The following CACNA1H variants were observed in gnomAD, a reference collection of about 807,000 sequenced individuals.
CACNA1H encodes voltage-dependent T-type calcium channel subunit alpha-1H.
CACNA1H carries 149 observed loss-of-function variants against 192.5 expected under a neutral mutation model. That is an observed-to-expected ratio of 0.77 (90% confidence interval 0.68 to 0.89). The LOEUF (loss-of-function observed/expected upper bound fraction) is 0.89, where lower values mean the gene tolerates loss of function less well. CACNA1H is among the 40% of genes least tolerant of loss of function. The probability of loss-of-function intolerance (pLI) is 0.00; values close to 1 mark genes in which losing one functional copy is unlikely to be tolerated. For synonymous variants in CACNA1H, 2,202 were observed against 1,475.2 expected (o/e 1.49, Z -11.29); for missense variants, 4,257 against 3,423.5 (o/e 1.24, Z -6.08).
Position 1,212,543 on chromosome 16 carries a change from C to G in CACNA1H, c.4777+15C>G. On this transcript the variant is annotated intron_variant, in intron 26 of 34. Coordinates refer to ENST00000348261, the MANE Select transcript of CACNA1H (RefSeq NM_021098.3). ...CCCCAGCCCAGGTACCGGCCCTGTC[C>G]CGCATGCCTCAGGCCCCGCTTCTGC... 4.3e-6 allele frequency: 7 copies of G among 1,609,566 alleles called. No homozygotes were observed. Among genetic ancestry groups the G allele is most frequent in the Non-Finnish European group, 5.1e-6 (6 of 1,178,614 alleles).
At chr16:1,203,603 G>A (rs1027218797) in intron 9 of CACNA1H, among the ~76,000 whole-genome samples, 2 of 152,268 alleles carry the variant, frequency 1.3e-5, no homozygotes, top group Admixed American at 6.5e-5. Context: ...CAGCTCTGGA[G>A]GCCAGTGCTC....
rs1418372954 is a variant in CACNA1H, at chr16:1,220,981, A to G, written c.7049A>G (p.Asp2350Gly). Residue 2350 changes from aspartate to glycine, a missense_variant, in exon 35 of 35, where the codon GAT becomes GGT. Transcript: ENST00000348261. ...SATPAPGGGA[D>G]DPV ...ACCCCTGCCCCAGGGGGTGGTGCAG[A>G]TGACCCCGTGTAGCTCGGGGCTTGG... 6 of 1,592,148 alleles carry G rather than the reference A, an allele frequency of 3.8e-6. No homozygotes were observed. The highest frequency in any genetic ancestry group is 2.2e-5 in the East Asian group (1 of 44,574).
chr16:1,206,301 C>T lies in CACNA1H; in HGVS notation c.2789+12C>T, dbSNP rs748801082. The T allele has an allele frequency of 3.2e-6, 5 of 1,548,690 alleles. No homozygotes were observed. The highest frequency in any genetic ancestry group is 2.4e-5 in the East Asian group (1 of 41,060). ...ATTTTCATCTTCAGGTGGGCGCAAC[C>T]CCCCTCCCGGCCCGCCCAGTGTCTC... On this transcript the variant is annotated intron_variant, in intron 12 of 34. Coordinates refer to ENST00000348261, the MANE Select transcript of CACNA1H (RefSeq NM_021098.3).
At chr16:1,169,172 G>A in intron 2 of CACNA1H, among the ~76,000 whole-genome samples, 1 of 144,852 alleles carries the variant, frequency 6.9e-6, no homozygotes, top group African/African-American at 2.5e-5. Flanking sequence ...CGGGGTGGGG[G>A]TGGGGGTGGG....
rs143785035 is a variant in CACNA1H at position 1,221,409 on chromosome 16, C to T, written c.*415C>T. The T allele has an allele frequency of 2.0e-5, 6 of 302,720 alleles. No individual in the cohort carries two copies. Among genetic ancestry groups the T allele is most frequent in the South Asian group, 1.8e-4 (3 of 16,388 alleles). 18.8% of individuals were successfully genotyped at this position (302,720 alleles called of 1,614,324 possible). A position where few individuals can be genotyped will look rare whatever the true frequency, so the allele number is the denominator to read the frequency against. On this transcript the variant is annotated 3_prime_UTR_variant, in exon 35 of 35. Transcript: ENST00000348261. ...TGCCGGCGGCAGGTTGCAGCCACCG[C>T]GGCCCAATGTCACCTTCACTCACAG...
Position 1,201,999 on chromosome 16 carries a change from C to G in CACNA1H, c.1549C>G (p.Leu517Val), listed in dbSNP as rs1182517062. 1.9e-5 allele frequency: 29 copies of G among 1,539,488 alleles called. No individual in the cohort carries two copies. In the East Asian group the frequency reaches 6.9e-4, roughly 36 times the overall value. Residue 517 changes from leucine to valine, a missense_variant, in exon 9 of 35, where the codon CTG (leucine) becomes GTG (valine). Leu to Val is a conservative substitution (Grantham distance 32, BLOSUM62 1). Transcript: ENST00000348261. ...AGRHTASVHH[L>V]VYHHHHHHHH... Reference sequence around the variant, plus strand: ...CAGGCACACAGCCTCGGTGCACCACCTGGTCTACCACCACCATCACCACCA... The same window carrying G: ...CAGGCACACAGCCTCGGTGCACCACGTGGTCTACCACCACCATCACCACCA...
At chr16:1,215,441 GAGTGA>G in intron 29 of CACNA1H, 66 bp downstream of exon 29, 1 of 691,984 alleles carries the variant, frequency 1.4e-6, no homozygotes, top group Admixed American at 2.0e-5. Flanking sequence ...CCATGGGTGG[GAGTGA>G]GGGGCGGGGC....
intron 27 of CACNA1H, among the ~76,000 whole-genome samples, chr16:1,214,211 C>T (rs1969797505): frequency 6.6e-6 from 1 of 151,914 alleles, no homozygotes; most frequent in African/African-American, 2.4e-5. Flanking sequence ...AGGACGTGAG[C>T]ATCCGACCCA....
rs1968050698 is a variant in CACNA1H, at chr16:1,202,328, C to T, written c.1878C>T (p.Gly626=). Residue 626 remains glycine, a synonymous_variant, in exon 9 of 35, where the codon GGC becomes GGT. Coordinates refer to ENST00000348261, the MANE Select transcript of CACNA1H (RefSeq NM_021098.3). ...ILPSGVGSGK[G]STSPGPKGKW... is the part of the protein sequence containing the mutation. Reference sequence around the variant, plus strand: ...CCTCAGGGGTGGGCAGCGGCAAAGGCAGCACCAGCCCCGGACCCAAGGGGA... The same window carrying T: ...CCTCAGGGGTGGGCAGCGGCAAAGGTAGCACCAGCCCCGGACCCAAGGGGA... 8 of 1,579,462 alleles carry T rather than the reference C, an allele frequency of 5.1e-6. No individual in the cohort carries two copies. The East Asian group carries it at 1.9e-4, about 37-fold the overall frequency.
chr16:1,209,556 G>A, intron 17 of CACNA1H, 144 bp downstream of exon 17: 2 of 1,002,380 alleles, frequency 2.0e-6, no homozygotes, highest in Admixed American at 4.7e-5. Flanking sequence ...AGGCCAGGGA[G>A]GAATCCAGCA....
At position 1,211,168 on chromosome 16, in the gene CACNA1H, G is replaced by A. The variant is rs771972820; in HGVS notation, c.4224G>A (p.Arg1408=). ...LRLLRTLRPL[R]VISRAPGLKL... is the part of the protein sequence containing the mutation. ...CAGTGTATCCTTCACTCCCCTCCAG[G>A]GTCATCAGCCGGGCCCCGGGCCTCA... Residue 1408 remains arginine (R), a splice_region_variant and synonymous_variant, in exon 22 of 35, where the codon AGG becomes AGA. Transcript: ENST00000348261. 7.1e-5 allele frequency: 115 copies of A among 1,612,640 alleles called. No individual in the cohort carries two copies. Among genetic ancestry groups the A allele is most frequent in the Non-Finnish European group, 8.6e-5 (102 of 1,179,752 alleles).
chr16:1,158,128 A>G (rs1050820785), intron 2 of CACNA1H, among the ~76,000 whole-genome samples: 10 of 152,194 alleles, frequency 6.6e-5, no homozygotes, highest in Non-Finnish European at 1.3e-4. Flanking sequence ...ACTGAGCCCT[A>G]CGGCCTACCC....
rs757811731 is a variant in CACNA1H at position 1,207,390 on chromosome 16, A to G, written c.3023A>G (p.Asn1008Ser). 1.2e-6 allele frequency: 2 copies of G among 1,613,170 alleles called. No homozygotes were observed. The highest frequency in any genetic ancestry group is 2.2e-5 in the East Asian group (1 of 44,862). The change falls in exon 14 of 35, where the codon AAC (asparagine) becomes AGC (serine). Residue 1008 changes from asparagine to serine, a missense_variant. Physicochemically the swap from Asn to Ser is conservative, Grantham distance 46 (BLOSUM62 1). Coordinates refer to ENST00000348261, the MANE Select transcript of CACNA1H (RefSeq NM_021098.3). ...ACCTTCGGCAACTATGTGCTCTTCA[A>G]CCTGCTGGTGGCCATCCTCGTGGAG... ...LMTFGNYVLF[N>S]LLVAILVEGF... is the part of the protein sequence containing the mutation.
chr16:1,200,542 A>G lies in CACNA1H; in HGVS notation c.1090A>G (p.Ile364Val). Residue 364 changes from isoleucine (I) to valine (V), a missense_variant, in exon 7 of 35, where the codon ATC becomes GTC. Physicochemically the swap from Ile to Val is conservative, Grantham distance 29 (BLOSUM62 3). Transcript: ENST00000348261. Reference protein sequence around the residue: ...PHNGAINFDNIGYAWIAIFQV... With the variant: ...PHNGAINFDNVGYAWIAIFQV... ...CAACGGTGCCATCAACTTCGACAAC[A>G]TCGGCTACGCCTGGATTGCCATCTT... 1.2e-6 allele frequency: 2 copies of G among 1,612,198 alleles called. No individual in the cohort carries two copies. Among genetic ancestry groups the G allele is most frequent in the African/African-American group, 1.3e-5 (1 of 75,028 alleles).
At chr16:1,199,582 G>T (rs927696666) in intron 6 of CACNA1H, among the ~76,000 whole-genome samples, 5 of 146,844 alleles carry the variant, frequency 3.4e-5, no homozygotes, top group Non-Finnish European at 7.5e-5. Flanking sequence ...CCACACCCCA[G>T]AGTCCGTCAC....
In CACNA1H at chr16:1,220,694, C is replaced by G. The variant is rs771676002; in HGVS notation, c.6762C>G (p.Ala2254=). 1.9e-6 allele frequency: 3 copies of G among 1,611,178 alleles called. No individual in the cohort carries two copies. Among genetic ancestry groups the G allele is most frequent in the Admixed American group, 3.3e-5 (2 of 59,720 alleles). Residue 2254 remains alanine (A), a synonymous_variant, in exon 35 of 35, where the codon GCC becomes GCG. Coordinates refer to ENST00000348261, the MANE Select transcript of CACNA1H (RefSeq NM_021098.3). ...PAAKGERWGQ[A]SCRAEHLTVP... ...CCAAGGGGGAGCGCTGGGGCCAGGC[C>G]TCCTGCCGGGCTGAGCACCTGACCG...
chr16:1,214,553 G>A (rs539038623), intron 27 of CACNA1H, among the ~76,000 whole-genome samples: 6 of 152,300 alleles, frequency 3.9e-5, no homozygotes, highest in East Asian at 1.9e-4. Flanking sequence ...GCTGCATACC[G>A]TCGGTGCTCA....
At chr16:1,182,754 C>T (rs1426143195) in intron 2 of CACNA1H, among the ~76,000 whole-genome samples, 2 of 152,106 alleles carry the variant, frequency 1.3e-5, no homozygotes, top group Non-Finnish European at 2.9e-5. Context: ...CAGGAGAGCT[C>T]GCAGCCCCCC....
chr16:1,169,207 C>A (rs1011424496), intron 2 of CACNA1H, among the ~76,000 whole-genome samples: 1 of 151,982 alleles, frequency 6.6e-6, no homozygotes, highest in East Asian at 1.9e-4. Context: ...GGGGTCTTAG[C>A]CTGGAACGTG....
Sources: gnomAD v4.1 joint callset for allele counts (sites outside exome capture counted in the v4.1 genomes callset) on GRCh38, gnomAD v4.1.1 for gene constraint, MANE v1.5 for transcripts, NCBI Gene and HGNC (gene_info 2026-07-23, HGNC 2026-07-21) for gene names.